Variants in SMG9 observed in about 807,000 individuals in gnomAD.
SMG9 encodes the protein nonsense-mediated mRNA decay factor SMG9.
A neutral mutation model predicts 64.0 loss-of-function variants in SMG9; 55 were observed. That is an observed-to-expected ratio of 0.86 (90% CI 0.69 to 1.08). The LOEUF (loss-of-function observed/expected upper bound fraction) is 1.08, where lower values mean the gene tolerates loss of function less well. Among genes scored for constraint, SMG9 ranks in the 50% least tolerant of loss-of-function variants. The pLI is 0.00. For synonymous variants in SMG9, 244 were observed against 254.8 expected (o/e 0.96, Z 0.41); for missense variants, 554 against 681.3 (o/e 0.81, Z 2.08).
Position 43,733,419 on chromosome 19 carries a change from G to A in SMG9, c.1244C>T (p.Pro415Leu), listed in dbSNP as rs201687817. 43 of 1,613,982 alleles carry A rather than the reference G, an allele frequency of 2.7e-5. No individual in the cohort carries two copies. The highest frequency in any genetic ancestry group is 1.3e-4 in the East Asian group (6 of 44,878). ...TLSMLQCNVFPGLPPDFLDSE... is the reference protein window; with the variant it reads ...TLSMLQCNVFLGLPPDFLDSE... ...GTCCAGGAAGTCAGGTGGAAGCCCC[G>A]GGAAGACATTGCATTGTAACATGGA... The change falls in exon 12 of 14, where the codon CCG (proline) becomes CTG (leucine). Residue 415 changes from proline to leucine, a missense_variant. Transcript: ENST00000270066.
At position 43,732,922 on chromosome 19, in the gene SMG9, G is replaced by A. The variant is rs750803882; in HGVS notation, c.1420C>T (p.Arg474Trp). The A allele has an allele frequency of 3.1e-6, 5 of 1,613,988 alleles. No individual in the cohort carries two copies. The highest frequency in any genetic ancestry group is 1.1e-5 in the South Asian group (1 of 91,048). ...CGGGCCATGGACATCACTTGGCTCC[G>A]GAGCTTGCTCACCAAGGACTGGAAA... is the stretch of plus-strand genomic sequence containing the variant. ...PSFQSLVSKL[R>W]SQVMSMARPQ... Residue 474 changes from arginine (R) to tryptophan (W), a missense_variant, in exon 13 of 14, where the codon CGG becomes TGG. Arg to Trp is a moderately radical substitution (Grantham distance 101). Coordinates refer to ENST00000270066, the MANE Select transcript of SMG9 (RefSeq NM_019108.4).
At position 43,733,593 on chromosome 19, in the gene SMG9, G is replaced by A. The variant is rs781044462; in HGVS notation, c.1210+33C>T. 2.5e-6 allele frequency: 4 copies of A among 1,611,054 alleles called. No individual in the cohort carries two copies. In the East Asian group the frequency reaches 8.9e-5, roughly 36 times the overall value. On this transcript the variant is annotated intron_variant, in intron 11 of 13. Transcript: ENST00000270066. Reference sequence around the variant, plus strand: ...GGGTTGGATCAGGAATTAGGAGGCTGACTAGCTTGGGGGGTGATGTGGGAA... The same window carrying A: ...GGGTTGGATCAGGAATTAGGAGGCTAACTAGCTTGGGGGGTGATGTGGGAA...
intron 1 of SMG9, among the ~76,000 whole-genome samples, chr19:43,752,902 T>TTAA (rs1969231724): frequency 1.0e-5 from 1 of 96,300 alleles, no homozygotes; most frequent in Non-Finnish European, 2.1e-5. Context: ...AGACCCTGTC[T>TTAA]AAAAAAAAAA....
chr19:43,750,098 G>T lies in SMG9; in HGVS notation c.150+494C>A, dbSNP rs560093501. ...CATGACCCTTTAAAACATGAGCTAT[G>T]GCACCTCTCAGCTCAAACTCTCCAA... is the stretch of plus-strand genomic sequence containing the variant. On this transcript the variant is annotated intron_variant, in intron 2 of 13. Transcript: ENST00000270066. The T allele has an allele frequency of 6.9e-5, 36 of 518,092 alleles. No homozygotes were observed. The East Asian group carries it at 1.7e-3, about 25-fold the overall frequency. 32.1% of individuals were successfully genotyped at this position (518,092 alleles called of 1,614,324 possible).
intron 9 of SMG9, among the ~76,000 whole-genome samples, chr19:43,736,139 G>A (rs896790691): frequency 3.3e-5 from 5 of 152,132 alleles, no homozygotes; most frequent in African/African-American, 1.2e-4. Context: ...CTGTCCCCAG[G>A]GTTACTAATA....
intron 1 of SMG9, among the ~76,000 whole-genome samples, chr19:43,752,236 T>C (rs1969211330): frequency 1.3e-5 from 2 of 152,194 alleles, no homozygotes; most frequent in Admixed American, 1.3e-4. Context: ...TTATTCTATT[T>C]GAGATGTTAT....
chr19:43,742,968 G>A (rs1450685549), intron 6 of SMG9, among the ~76,000 whole-genome samples: 1 of 151,984 alleles, frequency 6.6e-6, no homozygotes, highest in South Asian at 2.1e-4. Flanking sequence ...CCAGCTACTC[G>A]GGAGGCTGAG....
At chr19:43,752,902 T>TAAA (rs775445159) in intron 1 of SMG9, among the ~76,000 whole-genome samples, 3 of 96,314 alleles carry the variant, frequency 3.1e-5, no homozygotes, top group Admixed American at 9.5e-5. Flanking sequence ...AGACCCTGTC[T>TAAA]AAAAAAAAAA....
intron 5 of SMG9, 119 bp downstream of exon 5, chr19:43,747,323 C>T: frequency 1.1e-6 from 1 of 872,210 alleles, no homozygotes. Context: ...CTGATACCAC[C>T]CCCTCTCACT....
At chr19:43,741,507 G>A (rs960462483) in intron 6 of SMG9, among the ~76,000 whole-genome samples, 3 of 152,192 alleles carry the variant, frequency 2.0e-5, no homozygotes, top group Non-Finnish European at 2.9e-5. Flanking sequence ...GTAGAGGAGT[G>A]ACAGGATCAG....
In SMG9 at chr19:43,734,450, G is replaced by C; in HGVS notation, c.1041C>G (p.Pro347=). Residue 347 remains proline, a synonymous_variant, in exon 10 of 14, where the codon CCC becomes CCG. Transcript: ENST00000270066. ...AEMVKPSTPS[P]SHESSSSSGS... is the part of the protein sequence containing the mutation. ...CCGATGAGCTGCTGGACTCGTGGCT[G>C]GGGGATGGGGTGGAGGGCTTCACCA... 6.4e-7 allele frequency: 1 copy of C among 1,563,158 alleles called. No homozygotes were observed. Among genetic ancestry groups the C allele is most frequent in the African/African-American group, 1.4e-5 (1 of 73,902 alleles).
chr19:43,750,269 C>T (rs748230398), intron 2 of SMG9: 1 of 560,606 alleles, frequency 1.8e-6, no homozygotes. Context: ...ATGGCTACTC[C>T]TTGAACACGC....
chr19:43,733,046 G>A, intron 12 of SMG9, 44 bp from the exon 13 acceptor site: 1 of 1,559,878 alleles, frequency 6.4e-7, no homozygotes, highest in Non-Finnish European at 8.7e-7. Context: ...AGACTGCCAG[G>A]GTCTTTCTCC....
In SMG9 at chr19:43,750,652, A is replaced by T; in HGVS notation, c.90T>A (p.Asn30Lys). 6.2e-7 allele frequency: 1 copy of T among 1,613,888 alleles called. No individual in the cohort carries two copies. Among genetic ancestry groups the T allele is most frequent in the Non-Finnish European group, 8.5e-7 (1 of 1,179,952 alleles). ...TCTCCCGACCACCAGGCCCAGAGAG[A>T]TTCTGGGGGCCACCAGAGCCAGGCT... Reference protein sequence around the residue: ...WKEPGSGGPQNLSGPGGRERD... With the variant: ...WKEPGSGGPQKLSGPGGRERD... Residue 30 changes from asparagine to lysine, a missense_variant, in exon 2 of 14, where the codon AAT becomes AAA. By Grantham distance (94) the Asn-to-Lys change is moderately conservative. Coordinates refer to ENST00000270066, the MANE Select transcript of SMG9 (RefSeq NM_019108.4).
intron 8 of SMG9, 76 bp downstream of exon 8, chr19:43,738,046 C>T (rs1487025291): frequency 1.4e-6 from 2 of 1,427,356 alleles, no homozygotes; most frequent in East Asian, 2.3e-5. Flanking sequence ...ACCACCCACA[C>T]CCAGCTCTCC....
At chr19:43,752,120 C>T (rs903046089) in intron 1 of SMG9, among the ~76,000 whole-genome samples, 1 of 152,162 alleles carries the variant, frequency 6.6e-6, no homozygotes, top group African/African-American at 2.4e-5. Flanking sequence ...CACTCAAGGG[C>T]CTATTTTCAC....
intron 5 of SMG9, among the ~76,000 whole-genome samples, chr19:43,746,031 C>T (rs544884983): frequency 6.7e-6 from 1 of 149,624 alleles, no homozygotes; most frequent in Non-Finnish European, 1.5e-5. Flanking sequence ...CAACTATCTG[C>T]GCGTGATGTC....
At chr19:43,737,955 A>C in intron 8 of SMG9, 167 bp downstream of exon 8, 1 of 710,700 alleles carries the variant, frequency 1.4e-6, no homozygotes. Flanking sequence ...CCAGGAGTTG[A>C]GCCAGTCCTG....
intron 9 of SMG9, among the ~76,000 whole-genome samples, chr19:43,737,238 A>C (rs1968698890): frequency 6.6e-6 from 1 of 152,020 alleles, no homozygotes; most frequent in South Asian, 2.1e-4. Context: ...GTACCACTGC[A>C]CTCCAGCCTG....
Sources: gnomAD v4.1 joint callset for allele counts (sites outside exome capture counted in the v4.1 genomes callset) on GRCh38, gnomAD v4.1.1 for gene constraint, MANE v1.5 for transcripts, NCBI Gene and HGNC (gene_info 2026-07-23, HGNC 2026-07-21) for gene names.